ADGRD2: variants seen among roughly 807,000 people sequenced by gnomAD.
ADGRD2 encodes G protein-coupled receptor PGR24.
ADGRD2 carries 71 observed loss-of-function variants against 44.4 expected under a neutral mutation model. The ratio of observed to expected loss-of-function variants is 1.60; its 90% CI spans 1.32 to 1.95. The LOEUF (loss-of-function observed/expected upper bound fraction) is 1.95, where lower values mean the gene tolerates loss of function less well. Ranked by LOEUF, ADGRD2 falls within the 30% of genes most tolerant of loss-of-function variation. ADGRD2 has a pLI of 0.00. For synonymous variants in ADGRD2, 481 were observed against 224.8 expected (o/e 2.14, Z -10.19); for missense variants, 1,039 against 512.4 (o/e 2.03, Z -9.92).
intron 14 of ADGRD2, among the ~76,000 whole-genome samples, chr9:124,468,965 C>T (rs964287030): frequency 6.6e-6 from 1 of 152,224 alleles, no homozygotes; most frequent in Admixed American, 6.5e-5. Flanking sequence ...CTGTAGCCAG[C>T]CAGTTGCCCA....
chr9:124,467,772 G>T, exon 12 of ADGRD2: 1 of 718,546 alleles, frequency 1.4e-6, no homozygotes, highest in Non-Finnish European at 2.6e-6. Flanking sequence ...TGTGGGCTGT[G>T]GCGTGTCCTT....
chr9:124,476,943 C>T (rs1258620221), intron 21 of ADGRD2: 10 of 699,506 alleles, frequency 1.4e-5, no homozygotes, highest in Middle Eastern at 2.3e-4. Flanking sequence ...CTATTCTGAG[C>T]GGGCGCTGCC....
At chr9:124,455,883 G>A (rs1005595825) in intron 6 of ADGRD2, among the ~76,000 whole-genome samples, 2 of 152,226 alleles carry the variant, frequency 1.3e-5, no homozygotes, top group African/African-American at 4.8e-5. Flanking sequence ...ATCATGAACA[G>A]TGCCTGCAAA....
chr9:124,451,194 G>A (rs988317670), upstream of ADGRD2: 12 of 472,016 alleles, frequency 2.5e-5, no homozygotes, highest in African/African-American at 2.2e-4. Flanking sequence ...GAGCAGCGGT[G>A]GACAGGTGAG....
intron 19 of ADGRD2, 48 bp downstream of exon 22, chr9:124,475,663 C>A (rs1832035271): frequency 1.1e-5 from 7 of 610,978 alleles, no homozygotes; most frequent in South Asian, 9.8e-5. Context: ...GCCCCCAGAG[C>A]CAGGTCCCAG....
At chr9:124,469,519 C>T (rs1831903180) in exon 16 of ADGRD2, 1 of 718,060 alleles carries the variant, frequency 1.4e-6, no homozygotes, top group Admixed American at 2.0e-5. Flanking sequence ...ACAGCCCTGC[C>T]TGCAGCAGCA....
chr9:124,477,530 G>A (rs1367204120), intron 21 of ADGRD2, among the ~76,000 whole-genome samples: 1 of 152,228 alleles, frequency 6.6e-6, no homozygotes, highest in African/African-American at 2.4e-5. Context: ...GGAAGTTGAG[G>A]CACAGAAAGG....
At chr9:124,477,777 G>T (rs1461558786) in intron 21 of ADGRD2, among the ~76,000 whole-genome samples, 1 of 151,374 alleles carries the variant, frequency 6.6e-6, no homozygotes, top group African/African-American at 2.4e-5. Flanking sequence ...CCGCCCAGGC[G>T]CCCCCCGGGG....
At chr9:124,460,563 T>G (rs1280878399) in intron 10 of ADGRD2, among the ~76,000 whole-genome samples, 2 of 150,636 alleles carry the variant, frequency 1.3e-5, no homozygotes, top group African/African-American at 4.9e-5. Context: ...AATCATCTAG[T>G]ATGTGTTGAG....
chr9:124,469,189 C>T, intron 14 of ADGRD2, 33 bp from the exon 18 acceptor site: 2 of 692,498 alleles, frequency 2.9e-6, no homozygotes, highest in East Asian at 2.7e-5. Flanking sequence ...AAGCAGGTGA[C>T]CCAGCCTTGA....
In ADGRD2 at chr9:124,458,949, C is replaced by A. The variant is rs536016366; in HGVS notation, c.1870+228C>A. Reference sequence around the variant, plus strand: ...ACGCAGCCTTCGTTTAATCCTCCAACCGCGCACTTCATCCAAAGCTTGGGA... The same window carrying A: ...ACGCAGCCTTCGTTTAATCCTCCAAACGCGCACTTCATCCAAAGCTTGGGA... On this transcript the variant is annotated intron_variant, in intron 10 of 21. Coordinates refer to ENST00000334810, the Ensembl canonical transcript of ADGRD2. Among the ~76,000 whole-genome samples, 13 of 152,330 alleles carry A rather than the reference C, an allele frequency of 8.5e-5. No homozygotes were observed. In the South Asian group the frequency reaches 2.7e-3, roughly 32 times the overall value.
chr9:124,468,994 G>A (rs534771235), intron 14 of ADGRD2, among the ~76,000 whole-genome samples: 1 of 152,228 alleles, frequency 6.6e-6, no homozygotes, highest in East Asian at 1.9e-4. Flanking sequence ...CTCCAGAGAC[G>A]CCCAGCTGTA....
Position 124,458,116 on chromosome 9 carries a change from T to A in ADGRD2, c.1646T>A (p.Leu549His), listed in dbSNP as rs772776281. ...GGTGCCCCTTCCTCTCAGCCAGGCC[T>A]CTCTGGAGTCACCGTGATCCACAGC... Residue 549 changes from leucine (L) to histidine (H), a missense_variant, in exon 9 of 22, where the codon CTC becomes CAC. Leu to His is a moderately conservative substitution (Grantham distance 99). Transcript: ENST00000334810. 2.5e-5 allele frequency: 18 copies of A among 718,272 alleles called. No homozygotes were observed. The South Asian group carries it at 2.7e-4, about 11-fold the overall frequency. The allele number at this position is 718,272 out of a possible 1,614,324, so 44.5% of individuals were successfully genotyped here. A position where few individuals can be genotyped will look rare whatever the true frequency, so the allele number is the denominator to read the frequency against.
intron 10 of ADGRD2, among the ~76,000 whole-genome samples, chr9:124,459,641 CATAA>C (rs1831690778): frequency 6.6e-6 from 1 of 151,976 alleles, no homozygotes; most frequent in Non-Finnish European, 1.5e-5. Context: ...TTTTGGGGGT[CATAA>C]ACAAGACAGT....
At chr9:124,464,246 G>C (rs2131245033) in intron 10 of ADGRD2, among the ~76,000 whole-genome samples, 1 of 152,146 alleles carries the variant, frequency 6.6e-6, no homozygotes, top group East Asian at 1.9e-4. Context: ...AGAAAATATA[G>C]AAAAGGATAA....
At chr9:124,455,563 C>A (rs1204026246) in intron 6 of ADGRD2, among the ~76,000 whole-genome samples, 1 of 150,988 alleles carries the variant, frequency 6.6e-6, no homozygotes, top group Admixed American at 6.6e-5. Context: ...GCACTCCAGC[C>A]TGGGTGACAG....
In ADGRD2 at chr9:124,456,783, C is replaced by T. The variant is rs1412568411; in HGVS notation, c.1505+50C>T. On this transcript the variant is annotated intron_variant, in intron 7 of 21. Transcript: ENST00000334810. Reference sequence around the variant, plus strand: ...ACGGCTGGACTCAGACCTCCCTCCTCAGCCCTGGTGACTGGGAGCTGTCTG... The same window carrying T: ...ACGGCTGGACTCAGACCTCCCTCCTTAGCCCTGGTGACTGGGAGCTGTCTG... 3 of 702,712 alleles carry T rather than the reference C, an allele frequency of 4.3e-6. No homozygotes were observed. The Admixed American group carries it at 6.0e-5, about 14-fold the overall frequency. The allele number at this position is 702,712 out of a possible 1,614,324, so 43.5% of individuals were successfully genotyped here.
intron 10 of ADGRD2, among the ~76,000 whole-genome samples, chr9:124,462,936 T>TCC (rs887271845): frequency 2.0e-5 from 3 of 148,020 alleles, no homozygotes; most frequent in Non-Finnish European, 1.5e-5. Context: ...TCTCTCTCTT[T>TCC]CTCTCTCTCT....
chr9:124,468,690 C>G lies in ADGRD2; in HGVS notation c.2387+18C>G. On this transcript the variant is annotated intron_variant, in intron 14 of 21. Transcript: ENST00000334810. ...AGGCTGGGGTGAGGCCTGCTCTGCA[C>G]CCACACTCTCTTCTCCTCAGCTGTA... 1.4e-6 allele frequency: 1 copy of G among 705,880 alleles called. No individual in the cohort carries two copies. Among genetic ancestry groups the G allele is most frequent in the Non-Finnish European group, 2.6e-6 (1 of 381,180 alleles). The allele number at this position is 705,880 out of a possible 1,614,324, so 43.7% of individuals were successfully genotyped here.
Sources: gnomAD v4.1 joint callset for allele counts (sites outside exome capture counted in the v4.1 genomes callset) on GRCh38, gnomAD v4.1.1 for gene constraint, MANE v1.5 for transcripts, NCBI Gene and HGNC (gene_info 2026-07-23, HGNC 2026-07-21) for gene names.